The following NF2 variants were observed in gnomAD, a reference collection of about 807,000 sequenced individuals.
The protein encoded by NF2 is NF2, moesin-ezrin-radixin like (MERLIN) tumor suppressor.
In NF2, 8 loss-of-function variants were observed where a neutral mutation model predicts 83.7. That is an observed-to-expected ratio of 0.10 (90% CI 0.06 to 0.17). The LOEUF (loss-of-function observed/expected upper bound fraction) is 0.17. NF2 is among the 10% of genes least tolerant of loss of function. NF2 has a pLI of 1.00. For missense variants in NF2, 533 were observed against 744.4 expected (o/e 0.72, Z 3.31); for synonymous variants, 266 against 269.6 (o/e 0.99, Z 0.13).
At position 29,642,295 on chromosome 22, in the gene NF2, A is replaced by G. The variant is rs1400540192; in HGVS notation, c.447+10A>G. 1.2e-6 allele frequency: 2 copies of G among 1,612,526 alleles called. No homozygotes were observed. Among genetic ancestry groups the G allele is most frequent in the Non-Finnish European group, 1.7e-6 (2 of 1,178,526 alleles). ...CGCCGTCCAGGCCAAGGTAGGCTCA[A>G]AGAAGAAAAATGTATTTTTCCTGGG... On this transcript the variant is annotated intron_variant, in intron 4 of 15. Transcript: ENST00000338641.
chr22:29,603,861 C>G lies in NF2; in HGVS notation c.-138C>G. 3.1e-6 allele frequency: 2 copies of G among 639,874 alleles called. No homozygotes were observed. Among genetic ancestry groups the G allele is most frequent in the Non-Finnish European group, 5.3e-6 (2 of 376,134 alleles). The allele number at this position is 639,874 out of a possible 1,614,324, so 39.6% of individuals were successfully genotyped here. On this transcript the variant is annotated 5_prime_UTR_variant, in exon 1 of 16. Transcript: ENST00000338641. ...CGGCCCATGCTGGCCGCTGGGGACC[C>G]GCGCAGCCCAGACCGTTCCCGGGCC...
chr22:29,682,294 A>G (rs943303277), intron 15 of NF2, among the ~76,000 whole-genome samples: 1 of 152,176 alleles, frequency 6.6e-6, no homozygotes, highest in Non-Finnish European at 1.5e-5. Flanking sequence ...GTTAACACCT[A>G]TAAAATAGGT....
intron 2 of NF2, among the ~76,000 whole-genome samples, chr22:29,637,551 C>T (rs911913068): frequency 1.3e-5 from 2 of 152,254 alleles, no homozygotes; most frequent in Non-Finnish European, 2.9e-5. Flanking sequence ...GAAAGGCAGG[C>T]GGGGAGCAGG....
At position 29,614,345 on chromosome 22, in the gene NF2, G is replaced by A. The variant is rs999936367; in HGVS notation, c.114+10233G>A. 1.8e-3 allele frequency among the ~76,000 whole-genome samples: 266 copies of A among 151,972 alleles called. 3 individuals carry two copies. The highest frequency in any genetic ancestry group is 1.7e-3 in the South Asian group (8 of 4,818). ...TGTAATCCCAGCACTTCGGGAGGCC[G>A]AGGTGGGTGGCTCACGAGGTCAGGA... On this transcript the variant is annotated intron_variant, in intron 1 of 15. Transcript: ENST00000338641.
intron 4 of NF2, among the ~76,000 whole-genome samples, chr22:29,649,499 C>T (rs1454372152): frequency 1.3e-5 from 2 of 152,104 alleles, no homozygotes; most frequent in African/African-American, 2.4e-5. Context: ...CCCAGGAGTT[C>T]GAGACCTGCC....
chr22:29,665,432 C>T (rs756580262), intron 9 of NF2, among the ~76,000 whole-genome samples: 82 of 151,948 alleles, frequency 5.4e-4, no homozygotes, highest in Non-Finnish European at 7.1e-4. Flanking sequence ...TCAGTAGAGA[C>T]GGGGTTTCAC....
At chr22:29,615,995 A>G (rs755704927) in intron 1 of NF2, among the ~76,000 whole-genome samples, 1 of 152,234 alleles carries the variant, frequency 6.6e-6, no homozygotes, top group African/African-American at 2.4e-5. Context: ...TGGCAATAAA[A>G]TAGAATGAAG....
Position 29,643,735 on chromosome 22 carries a change from C to A in NF2, c.447+1450C>A, listed in dbSNP as rs563269582. 6.2e-3 allele frequency among the ~76,000 whole-genome samples: 945 copies of A among 152,324 alleles called. 8 individuals carry two copies. Among genetic ancestry groups the A allele is most frequent in the Non-Finnish European group, 0.011 (771 of 68,010 alleles). On this transcript the variant is annotated intron_variant, in intron 4 of 15. Coordinates refer to ENST00000338641, the MANE Select transcript of NF2 (RefSeq NM_000268.4). ...ACCATCCGATTTCTCAATCTTTTCC[C>A]CACCTTTCCCCCCTTTCTATTCCAC...
intron 4 of NF2, among the ~76,000 whole-genome samples, chr22:29,644,370 G>C (rs1459541969): frequency 6.6e-6 from 1 of 150,868 alleles, no homozygotes; most frequent in African/African-American, 2.4e-5. Flanking sequence ...GATGGCGGCC[G>C]GGAAGAGGCG....
intron 1 of NF2, among the ~76,000 whole-genome samples, chr22:29,612,077 G>A (rs867446428): frequency 5.3e-5 from 8 of 152,046 alleles, no homozygotes; most frequent in Non-Finnish European, 1.0e-4. Flanking sequence ...GCGCGATCTC[G>A]GCTCACTGCA....
At chr22:29,616,024 C>G (rs1368503778) in intron 1 of NF2, among the ~76,000 whole-genome samples, 1 of 152,162 alleles carries the variant, frequency 6.6e-6, no homozygotes, top group Non-Finnish European at 1.5e-5. Context: ...CGTGCTTCAA[C>G]ATGGATGGAC....
At chr22:29,676,207 T>C (rs963266367) in intron 13 of NF2, among the ~76,000 whole-genome samples, 1 of 152,104 alleles carries the variant, frequency 6.6e-6, no homozygotes, top group Admixed American at 6.5e-5. Context: ...TTTTATTTAC[T>C]CTGTCACCCA....
intron 3 of NF2, among the ~76,000 whole-genome samples, chr22:29,640,936 C>T (rs2146884670): frequency 6.6e-6 from 1 of 152,030 alleles, no homozygotes; most frequent in East Asian, 1.9e-4. Context: ...GAGTTTGAGA[C>T]CACCCTGACC....
rs138130437 is a variant in NF2, at chr22:29,659,609, A to G, written c.675+1345A>G. On this transcript the variant is annotated intron_variant, in intron 7 of 15. Coordinates refer to ENST00000338641, the MANE Select transcript of NF2 (RefSeq NM_000268.4). ...TTAAATTTCCTGAAATCTCACCATT[A>G]ACTAAGGAAGATGTATGCTTAAAAC... is the stretch of plus-strand genomic sequence containing the variant. Among the ~76,000 whole-genome samples, 40 of 152,326 alleles carry G rather than the reference A, an allele frequency of 2.6e-4. No homozygotes were observed. In the East Asian group the frequency reaches 3.1e-3, roughly 12 times the overall value.
chr22:29,693,162 A>G (rs1338613648), intron 15 of NF2, among the ~76,000 whole-genome samples: 1 of 152,182 alleles, frequency 6.6e-6, no homozygotes, highest in African/African-American at 2.4e-5. Flanking sequence ...TCTGGTTCCC[A>G]TCATCACAGG....
intron 1 of NF2, among the ~76,000 whole-genome samples, chr22:29,604,852 G>A (rs1374219954): frequency 6.6e-6 from 1 of 152,202 alleles, no homozygotes; most frequent in East Asian, 1.9e-4. Context: ...GTAGACTAGA[G>A]AATCTCTGTT....
chr22:29,614,551 C>T (rs1406164982), intron 1 of NF2, among the ~76,000 whole-genome samples: 2 of 144,758 alleles, frequency 1.4e-5, no homozygotes, highest in African/African-American at 2.6e-5. Flanking sequence ...TACTGCACTC[C>T]GGCCTGGGCG....
Position 29,654,735 on chromosome 22 carries a change from T to C in NF2, c.516+10T>C, listed in dbSNP as rs758073951. 6.2e-7 allele frequency: 1 copy of C among 1,606,232 alleles called. No homozygotes were observed. Among genetic ancestry groups the C allele is most frequent in the South Asian group, 1.1e-5 (1 of 90,894 alleles). ...ATTGCTTCCAAAAAGGGTAAGAGAT[T>C]AAATTCCCTTTTCAGGAAGACATAG... On this transcript the variant is annotated intron_variant, in intron 5 of 15. Transcript: ENST00000338641.
At chr22:29,684,525 A>G (rs1267974378) in intron 15 of NF2, among the ~76,000 whole-genome samples, 1 of 152,202 alleles carries the variant, frequency 6.6e-6, no homozygotes, top group Non-Finnish European at 1.5e-5. Context: ...GAAATTCTTC[A>G]GGGTCCTGAT....
Sources: gnomAD v4.1 joint callset for allele counts (sites outside exome capture counted in the v4.1 genomes callset) on GRCh38, gnomAD v4.1.1 for gene constraint, MANE v1.5 for transcripts, NCBI Gene and HGNC (gene_info 2026-07-23, HGNC 2026-07-21) for gene names.